ZNF875: variants seen among roughly 807,000 people sequenced by gnomAD.
The protein encoded by ZNF875 is zinc finger protein 875, also known as HKR1, GLI-Kruppel zinc finger family member.
ZNF875 carries 14 observed loss-of-function variants against 11.2 expected under a neutral mutation model. The observed-to-expected ratio is 1.26, with a 90% CI of 0.83 to 1.96. The LOEUF (loss-of-function observed/expected upper bound fraction) is 1.96, where lower values mean the gene tolerates loss of function less well. Ranked by LOEUF, ZNF875 falls within the 30% of genes most tolerant of loss-of-function variation. The pLI is 0.00. For missense variants in ZNF875, 752 were observed against 760.4 expected, an observed-to-expected ratio of 0.99 and a Z score of 0.13; for synonymous variants, 301 against 281.1, an observed-to-expected ratio of 1.07 and a Z score of -0.71.
intron 4 of ZNF875, among the ~76,000 whole-genome samples, chr19:37,327,243 T>C (rs1430182504): frequency 6.6e-6 from 1 of 151,880 alleles, no homozygotes; most frequent in Admixed American, 6.6e-5. Flanking sequence ...TCCGCCCACC[T>C]CGGCCTCCCA....
chr19:37,362,318 CAAG>C lies in ZNF875; in HGVS notation c.468_470del (p.Glu157del). On this transcript the variant is annotated inframe_deletion, in exon 5 of 5. Coordinates refer to ENST00000392153, the MANE Select transcript of ZNF875 (RefSeq NM_001353803.2). ...CTTTAGTGGCAAAGCAGAATGGATT[CAAG>C]AGGGAGAAGACTCCAGACTCCTGTT... 6.2e-7 allele frequency: 1 copy of C among 1,614,048 alleles called. No homozygotes were observed. Among genetic ancestry groups the C allele is most frequent in the Non-Finnish European group, 8.5e-7 (1 of 1,179,988 alleles).
At chr19:37,328,515 C>A (rs1156715480) in intron 4 of ZNF875, 1 of 152,228 alleles carries the variant, frequency 6.6e-6, no homozygotes, top group Non-Finnish European at 1.5e-5. Context: ...TTGGCTTCCT[C>A]CCTTTCTGTC....
chr19:37,319,427 C>T (rs2030907720), intron 1 of ZNF875, among the ~76,000 whole-genome samples: 2 of 148,546 alleles, frequency 1.3e-5, no homozygotes, highest in Non-Finnish European at 3.0e-5. Flanking sequence ...TGGTGGATCT[C>T]TGACTTTTGT....
At chr19:37,357,164 C>A (rs187580022) in intron 4 of ZNF875, among the ~76,000 whole-genome samples, 311 of 152,276 alleles carry the variant, frequency 2.0e-3, no homozygotes, top group African/African-American at 6.7e-3. Context: ...GTTCTCTGTT[C>A]TGTTCCGTAG....
chr19:37,331,862 G>A (rs1456814477), upstream of ZNF875, among the ~76,000 whole-genome samples: 2 of 130,792 alleles, frequency 1.5e-5, no homozygotes, highest in Non-Finnish European at 3.5e-5. Flanking sequence ...AAAGAGGAAG[G>A]AATGCCTCTT....
chr19:37,363,299 T>C lies in ZNF875; in HGVS notation c.1447T>C (p.Cys483Arg), dbSNP rs1050520680. Residue 483 changes from cysteine (C) to arginine (R), a missense_variant, in exon 5 of 5, where the codon TGT (cysteine) becomes CGT (arginine). Cys to Arg is a radical substitution (Grantham distance 180). Coordinates refer to ENST00000392153, the MANE Select transcript of ZNF875 (RefSeq NM_001353803.2). ...TGEKPFVCTE[C>R]GRGFTRKSTL... ...GGAGAAGCCATTTGTATGTACGGAG[T>C]GTGGGCGAGGCTTTACCCGGAAATC... The C allele has an allele frequency of 1.2e-6, 2 of 1,610,730 alleles. No individual in the cohort carries two copies. The highest frequency in any genetic ancestry group is 1.7e-6 in the Non-Finnish European group (2 of 1,177,882).
chr19:37,328,799 G>A (rs771196391), intron 4 of ZNF875: 4 of 152,200 alleles, frequency 2.6e-5, no homozygotes, highest in Non-Finnish European at 5.9e-5. Flanking sequence ...TGCTGTAAAT[G>A]CTCTTTGAGT....
In ZNF875 at chr19:37,335,184, C is replaced by G. The variant is rs2034091884; in HGVS notation, c.-41C>G. The G allele has an allele frequency of 2.8e-6, 2 of 702,270 alleles. No individual in the cohort carries two copies. Among genetic ancestry groups the G allele is most frequent in the Non-Finnish European group, 5.2e-6 (2 of 384,530 alleles). The allele number at this position is 702,270 out of a possible 1,614,324, so 43.5% of individuals were successfully genotyped here. A position where few individuals can be genotyped will look rare whatever the true frequency, so the allele number is the denominator to read the frequency against. Reference sequence around the variant, plus strand: ...ACATCCCCAGATCTGTCTTCTGAGACTTTGCCCTTCTCCAGGAAGAGCACT... The same window carrying G: ...ACATCCCCAGATCTGTCTTCTGAGAGTTTGCCCTTCTCCAGGAAGAGCACT... On this transcript the variant is annotated 5_prime_UTR_variant, in exon 2 of 5. Coordinates refer to ENST00000392153, the MANE Select transcript of ZNF875 (RefSeq NM_001353803.2).
At chr19:37,357,338 T>C (rs1045070924) in intron 4 of ZNF875, among the ~76,000 whole-genome samples, 8 of 152,350 alleles carry the variant, frequency 5.3e-5, no homozygotes, top group Middle Eastern at 3.4e-3. Context: ...TAGAATTGTT[T>C]TTTCTAGTTC....
intron 1 of ZNF875, among the ~76,000 whole-genome samples, chr19:37,318,481 A>G (rs1446156358): frequency 6.6e-6 from 1 of 151,956 alleles, no homozygotes; most frequent in African/African-American, 2.4e-5. Context: ...TGGTTGTCCT[A>G]ACAGCAGCAA....
chr19:37,322,197 T>G (rs1279992552), exon 2 of ZNF875: 23 of 152,214 alleles, frequency 1.5e-4, no homozygotes, highest in African/African-American at 5.1e-4. Flanking sequence ...ATCAGGAGCT[T>G]CTTTTGCTGT....
rs1043171492 is a variant in ZNF875, at chr19:37,339,979, TTTA to T, written c.33+4737_33+4739del. Among the ~76,000 whole-genome samples the T allele has an allele frequency of 3.3e-5, 5 of 152,070 alleles. No individual in the cohort carries two copies. In the East Asian group the frequency reaches 7.7e-4, roughly 24 times the overall value. On this transcript the variant is annotated intron_variant, in intron 2 of 4. Coordinates refer to ENST00000392153, the MANE Select transcript of ZNF875 (RefSeq NM_001353803.2). ...TGCAATTTTTATTTTATTTTATTCA[TTTA>T]TTATTATTATTATTTTTGAGATGGA...
At chr19:37,347,358 A>G in intron 3 of ZNF875, 42 bp downstream of exon 3, 1 of 1,575,758 alleles carries the variant, frequency 6.3e-7, no homozygotes, top group Non-Finnish European at 8.6e-7. Context: ...TGCCCTACAG[A>G]GTATTTTCCA....
At chr19:37,359,726 G>A (rs944092134) in intron 4 of ZNF875, 1 of 197,782 alleles carries the variant, frequency 5.1e-6, no homozygotes, top group Admixed American at 6.0e-5. Flanking sequence ...TTAACCATTT[G>A]CATATCTTTT....
chr19:37,346,933 G>A (rs573115496), intron 2 of ZNF875: 28 of 358,918 alleles, frequency 7.8e-5, no homozygotes, highest in Middle Eastern at 9.0e-4. Context: ...GCGCAATCTC[G>A]GCTTACCGCA....
chr19:37,317,449 C>G (rs914348469), upstream of ZNF875, among the ~76,000 whole-genome samples: 3 of 152,204 alleles, frequency 2.0e-5, no homozygotes, highest in Non-Finnish European at 4.4e-5. Context: ...GTTGGGATTA[C>G]AAGCTTGAGC....
chr19:37,323,865 C>A (rs2031961615), intron 3 of ZNF875, among the ~76,000 whole-genome samples: 1 of 152,132 alleles, frequency 6.6e-6, no homozygotes, highest in Non-Finnish European at 1.5e-5. Flanking sequence ...TCGCTCCGTT[C>A]AAATGCACAC....
intron 2 of ZNF875, among the ~76,000 whole-genome samples, chr19:37,341,213 GC>G (rs1331122000): frequency 6.6e-6 from 1 of 152,186 alleles, no homozygotes; most frequent in African/African-American, 2.4e-5. Context: ...CAGTGTATCA[GC>G]CTTTGCTGTA....
intron 4 of ZNF875, 130 bp from the exon 5 acceptor site, chr19:37,361,979 G>A (rs1295607882): frequency 4.7e-6 from 3 of 643,472 alleles, no homozygotes; most frequent in Non-Finnish European, 8.4e-6. Context: ...TAGATGCTGG[G>A]AAGGATGTCT....
Sources: allele counts gnomAD v4.1 joint callset (sites outside exome capture counted in the v4.1 genomes callset), GRCh38; gene constraint gnomAD v4.1.1; transcripts MANE v1.5; gene names NCBI Gene and HGNC (gene_info 2026-07-23, HGNC 2026-07-21).